Variants in MIX23 observed in about 807,000 individuals in gnomAD.
The protein encoded by MIX23 is mitochondrial matrix import factor 23.
MIX23 carries 13 observed loss-of-function variants against 21.6 expected under a neutral mutation model. That is an observed-to-expected ratio of 0.60 (90% CI 0.39 to 0.96). The LOEUF (loss-of-function observed/expected upper bound fraction) is 0.96. MIX23 is among the 40% of genes least tolerant of loss of function. MIX23 has a pLI of 0.00. For missense variants in MIX23, 144 were observed against 171.2 expected (o/e 0.84, Z 0.89); for synonymous variants, 59 against 58.0 (o/e 1.02, Z -0.08).
intron 1 of MIX23, 83 bp from the exon 2 acceptor site, chr3:122,371,883 C>G: frequency 8.4e-7 from 1 of 1,189,252 alleles, no homozygotes; most frequent in Non-Finnish European, 1.2e-6. Context: ...AAATAAAGCT[C>G]TTGGATATTT....
chr3:122,359,825 G>C lies in MIX23; in HGVS notation c.*44C>G, dbSNP rs993710307. The C allele has an allele frequency of 8.4e-7, 1 of 1,196,396 alleles. No individual in the cohort carries two copies. The highest frequency in any genetic ancestry group is 1.4e-5 in the South Asian group (1 of 70,000). The allele number at this position is 1,196,396 out of a possible 1,614,324, so 74.1% of individuals were successfully genotyped here. On this transcript the variant is annotated 3_prime_UTR_variant, in exon 5 of 5. Transcript: ENST00000291458. ...TGCTTAGCTCTTATGAGATGACCCA[G>C]TCCTTAAAAAAAAAAAAAAAAAAAA...
Position 122,359,838 on chromosome 3 carries a change from A to AG in MIX23, c.*30_*31insC. Reference sequence around the variant, plus strand: ...TGAGATGACCCAGTCCTTAAAAAAAAAAAAAAAAAAAAAAAAAAAAGAATC... The same window carrying AG: ...TGAGATGACCCAGTCCTTAAAAAAAAGAAAAAAAAAAAAAAAAAAAAGAATC... On this transcript the variant is annotated 3_prime_UTR_variant, in exon 5 of 5. Coordinates refer to ENST00000291458, the MANE Select transcript of MIX23 (RefSeq NM_001017928.4). 1 of 590,798 alleles carries AG rather than the reference A, an allele frequency of 1.7e-6. No individual in the cohort carries two copies. The highest frequency in any genetic ancestry group is 2.3e-6 in the Non-Finnish European group (1 of 428,744). 36.6% of individuals were successfully genotyped at this position (590,798 alleles called of 1,614,324 possible).
chr3:122,372,224 CAAAAAAA>C (rs55800173), intron 1 of MIX23, among the ~76,000 whole-genome samples: 1 of 46,106 alleles, frequency 2.2e-5, no homozygotes, highest in Non-Finnish European at 4.0e-5. Flanking sequence ...CTCCAACTCT[CAAAAAAA>C]AAAAAAAAAA....
intron 1 of MIX23, among the ~76,000 whole-genome samples, chr3:122,378,687 G>A (rs182341559): frequency 1.1e-4 from 17 of 152,190 alleles, no homozygotes; most frequent in Admixed American, 4.6e-4. Flanking sequence ...AAAATATGGT[G>A]TTATAATCTC....
Position 122,368,169 on chromosome 3 carries a change from A to C in MIX23, c.324+7T>G. On this transcript the variant is annotated splice_region_variant and intron_variant, in intron 3 of 4. Coordinates refer to ENST00000291458, the MANE Select transcript of MIX23 (RefSeq NM_001017928.4). ...TGCCTGAGAAATGTTAATTCTGTTC[A>C]ACTTACCTTTGTCTGCTCTTTTCTA... The C allele has an allele frequency of 1.2e-6, 2 of 1,609,760 alleles. No individual in the cohort carries two copies. Among genetic ancestry groups the C allele is most frequent in the Non-Finnish European group, 1.7e-6 (2 of 1,179,324 alleles).
chr3:122,363,051 G>T, intron 3 of MIX23, 24 bp from the exon 4 acceptor site: 2 of 1,580,590 alleles, frequency 1.3e-6, no homozygotes, highest in African/African-American at 1.4e-5. Context: ...AAAAATTGAA[G>T]TTATAAAATT....
chr3:122,359,786 G>T lies in MIX23; in HGVS notation c.*83C>A. On this transcript the variant is annotated 3_prime_UTR_variant, in exon 5 of 5. Transcript: ENST00000291458. ...GAAATCATCCTAGAAAGCCCGCCCT[G>T]TTGATATCTGTCATGCTTAGCTCTT... The T allele has an allele frequency of 7.7e-7, 1 of 1,293,884 alleles. No individual in the cohort carries two copies. The allele number at this position is 1,293,884 out of a possible 1,614,324, so 80.2% of individuals were successfully genotyped here.
chr3:122,383,145 T>A, intron 1 of MIX23, 29 bp downstream of exon 1: 2 of 1,613,700 alleles, frequency 1.2e-6, no homozygotes, highest in Non-Finnish European at 1.7e-6. Context: ...AGGAGGCACA[T>A]GCCTGCCACA....
chr3:122,372,224 C>CAAAAAAAAAAAA, intron 1 of MIX23, among the ~76,000 whole-genome samples: 1 of 46,086 alleles, frequency 2.2e-5, no homozygotes, highest in Non-Finnish European at 4.0e-5. Flanking sequence ...CTCCAACTCT[C>CAAAAAAAAAAAA]AAAAAAAAAA....
chr3:122,359,622 A>G lies in MIX23; in HGVS notation c.*247T>C, dbSNP rs2075341691. On this transcript the variant is annotated 3_prime_UTR_variant, in exon 5 of 5. Transcript: ENST00000291458. ...GAGTCAGAAAATTATTTTAATAGTT[A>G]CAAAAATTTTTTTTTTTTTTTTTTA... 1 of 300,318 alleles carries G rather than the reference A, an allele frequency of 3.3e-6. No individual in the cohort carries two copies. Among genetic ancestry groups the G allele is most frequent in the Admixed American group, 5.2e-5 (1 of 19,396 alleles). 18.6% of individuals were successfully genotyped at this position (300,318 alleles called of 1,614,324 possible). A position where few individuals can be genotyped will look rare whatever the true frequency, so the allele number is the denominator to read the frequency against.
intron 1 of MIX23, 129 bp downstream of exon 1, chr3:122,383,045 A>C (rs1053242600): frequency 3.1e-6 from 4 of 1,270,858 alleles, no homozygotes; most frequent in African/African-American, 2.9e-5. Context: ...ATGACCTCCA[A>C]TGGCTCGAGA....
chr3:122,373,931 T>A (rs1199079927), intron 1 of MIX23, among the ~76,000 whole-genome samples: 2 of 152,172 alleles, frequency 1.3e-5, no homozygotes, highest in South Asian at 2.1e-4. Flanking sequence ...TAAGGAATAA[T>A]CTCAATGCAT....
chr3:122,377,635 G>A lies in MIX23; in HGVS notation c.51+5539C>T, dbSNP rs148659702. On this transcript the variant is annotated intron_variant, in intron 1 of 4. Coordinates refer to ENST00000291458, the MANE Select transcript of MIX23 (RefSeq NM_001017928.4). The stretch of plus-strand genomic sequence containing the variant: ...AGATTCAGGCGGGAGGACTGCTTAC[G>A]GCTAGGAGTTCAAGACCAGCCTGGG... Among the ~76,000 whole-genome samples, 6 of 152,184 alleles carry A rather than the reference G, an allele frequency of 3.9e-5. No homozygotes were observed. The East Asian group carries it at 5.8e-4, about 15-fold the overall frequency.
intron 4 of MIX23, among the ~76,000 whole-genome samples, chr3:122,362,437 T>C (rs942186558): frequency 6.6e-6 from 1 of 152,064 alleles, no homozygotes; most frequent in Non-Finnish European, 1.5e-5. Flanking sequence ...TGGCAGCTCA[T>C]TCAGTTCTAT....
chr3:122,363,419 G>A (rs1294040202), intron 3 of MIX23, among the ~76,000 whole-genome samples: 3 of 151,834 alleles, frequency 2.0e-5, no homozygotes, highest in African/African-American at 7.3e-5. Context: ...CCTAACATTA[G>A]TGAAGGTACG....
chr3:122,359,830 TAAAAAAAAAAAAAAAAAAAAAAA>T lies in MIX23; in HGVS notation c.*16_*38del. The stretch of plus-strand genomic sequence containing the variant: ...AGCTCTTATGAGATGACCCAGTCCT[TAAAAAAAAAAAAAAAAAAAAAAA>T]AAAAAGAATCTCTCTTTATTCATTC... On this transcript the variant is annotated 3_prime_UTR_variant, in exon 5 of 5. Coordinates refer to ENST00000291458, the MANE Select transcript of MIX23 (RefSeq NM_001017928.4). 3.0e-6 allele frequency: 3 copies of T among 1,005,476 alleles called. No individual in the cohort carries two copies. Among genetic ancestry groups the T allele is most frequent in the Non-Finnish European group, 2.6e-6 (2 of 781,542 alleles). The allele number at this position is 1,005,476 out of a possible 1,614,324, so 62.3% of individuals were successfully genotyped here.
chr3:122,372,982 C>A lies in MIX23; in HGVS notation c.52-1182G>T, dbSNP rs558077324. Reference sequence around the variant, plus strand: ...CCTCAATATACTATGCTACTTCTTACCTTTGCCAAACTTAAATCCATGACT... The same window carrying A: ...CCTCAATATACTATGCTACTTCTTAACTTTGCCAAACTTAAATCCATGACT... On this transcript the variant is annotated intron_variant, in intron 1 of 4. Transcript: ENST00000291458. 4.7e-4 allele frequency: 198 copies of A among 420,812 alleles called. 3 individuals are homozygous for A. The highest frequency in any genetic ancestry group is 3.4e-3 in the South Asian group (186 of 54,312). The allele number at this position is 420,812 out of a possible 1,614,324, so 26.1% of individuals were successfully genotyped here. A position where few individuals can be genotyped will look rare whatever the true frequency, so the allele number is the denominator to read the frequency against.
At chr3:122,377,661 C>T (rs189426085) in intron 1 of MIX23, among the ~76,000 whole-genome samples, 207 of 152,192 alleles carry the variant, frequency 1.4e-3, no homozygotes, top group African/African-American at 4.4e-3. Context: ...CCAGCCTGGG[C>T]AACACAGTAA....
chr3:122,373,153 T>G (rs897530759), intron 1 of MIX23: 3 of 295,308 alleles, frequency 1.0e-5, no homozygotes, highest in Non-Finnish European at 6.6e-6. Flanking sequence ...GTCCCTTTGG[T>G]CTTTTTTCTA....
Sources: allele counts gnomAD v4.1 joint callset (sites outside exome capture counted in the v4.1 genomes callset), GRCh38; gene constraint gnomAD v4.1.1; transcripts MANE v1.5; gene names NCBI Gene and HGNC (gene_info 2026-07-23, HGNC 2026-07-21).